Variants in MEGF11 observed in about 807,000 individuals in gnomAD.
MEGF11 encodes multiple EGF like domains 11.
Under a neutral mutation model 146.6 loss-of-function variants are expected in MEGF11, and 126 were observed. That is an observed-to-expected ratio of 0.86 (90% CI 0.74 to 1.00). The LOEUF is 1.00. Among genes scored for constraint, MEGF11 ranks in the 50% least tolerant of loss-of-function variants. The probability of loss-of-function intolerance (pLI) is 0.00; values close to 1 mark genes in which losing one functional copy is unlikely to be tolerated. For synonymous variants in MEGF11, 532 were observed against 583.4 expected (o/e 0.91, Z 1.27); for missense variants, 1,509 against 1,521.2 (o/e 0.99, Z 0.13).
intron 4 of MEGF11, among the ~76,000 whole-genome samples, chr15:66,102,057 C>T (rs528676356): frequency 6.6e-6 from 1 of 151,872 alleles, no homozygotes; most frequent in South Asian, 2.1e-4. Context: ...AGAACATTCC[C>T]ATTGGGTTTC....
At chr15:65,928,946 G>T (rs1176400196) in intron 12 of MEGF11, among the ~76,000 whole-genome samples, 1 of 152,106 alleles carries the variant, frequency 6.6e-6, no homozygotes, top group Non-Finnish European at 1.5e-5. Context: ...TTTGTTGCCG[G>T]GGAAGAAGGT....
intron 1 of MEGF11, among the ~76,000 whole-genome samples, chr15:66,155,813 C>G (rs1324078455): frequency 6.6e-6 from 1 of 152,226 alleles, no homozygotes; most frequent in Admixed American, 6.5e-5. Flanking sequence ...TGTTCTTCTT[C>G]CCCACTCCAC....
chr15:65,965,613 C>CTTTTTTTTTTT (rs1186551497), intron 8 of MEGF11, among the ~76,000 whole-genome samples: 1 of 53,522 alleles, frequency 1.9e-5, no homozygotes, highest in Non-Finnish European at 3.2e-5. Context: ...TTTTTTTTTT[C>CTTTTTTTTTTT]TTTTTTTTTT....
rs570757137 is a variant in MEGF11, at chr15:66,195,188, A to T, written c.-9+58417T>A. ...CTCTTCTCATGATGATGCCAGTCAT[A>T]TTGGATTTAGGGCCCACCCATATGA... On this transcript the variant is annotated intron_variant, in intron 1 of 25. Coordinates refer to ENST00000395614, the MANE Select transcript of MEGF11 (RefSeq NM_001385028.1). Among the ~76,000 whole-genome samples, 245 of 152,276 alleles carry T rather than the reference A, an allele frequency of 1.6e-3. 1 individual carries two copies. Among genetic ancestry groups the T allele is most frequent in the Non-Finnish European group, 2.7e-3 (187 of 68,026 alleles).
At position 65,986,793 on chromosome 15, in the gene MEGF11, C is replaced by CTTT. The variant is rs34991788; in HGVS notation, c.395-4308_395-4306dup. 4.3e-3 allele frequency among the ~76,000 whole-genome samples: 519 copies of CTTT among 121,306 alleles called. 9 individuals carry two copies. Among genetic ancestry groups the CTTT allele is most frequent in the African/African-American group, 0.013 (424 of 31,844 alleles). The allele number at this position is 121,306 out of a possible 152,430, so 79.6% of individuals were successfully genotyped here. On this transcript the variant is annotated intron_variant, in intron 5 of 25. Coordinates refer to ENST00000395614, the MANE Select transcript of MEGF11 (RefSeq NM_001385028.1). ...TATATTGGGCTTTGGCTGATTTTTC[C>CTTT]TTTTTTTTTTTTTTTTTTTTTGAGA...
intron 1 of MEGF11, among the ~76,000 whole-genome samples, chr15:66,195,277 T>C (rs768338974): frequency 2.2e-4 from 34 of 152,208 alleles, no homozygotes; most frequent in Non-Finnish European, 4.3e-4. Context: ...TTCTGAGGTA[T>C]TGGGGATTAG....
intron 5 of MEGF11, among the ~76,000 whole-genome samples, chr15:66,050,887 G>C (rs540856538): frequency 1.5e-4 from 23 of 152,354 alleles, no homozygotes; most frequent in African/African-American, 4.8e-4. Flanking sequence ...GGCTGGCACT[G>C]CCCTCTGGGG....
intron 10 of MEGF11, among the ~76,000 whole-genome samples, chr15:65,945,374 G>A (rs978450863): frequency 6.6e-6 from 1 of 152,140 alleles, no homozygotes; most frequent in Non-Finnish European, 1.5e-5. Context: ...TCCCTGCAGG[G>A]CAGACCTGGT....
chr15:65,904,121 A>G (rs935478791), intron 24 of MEGF11, among the ~76,000 whole-genome samples: 2 of 152,180 alleles, frequency 1.3e-5, no homozygotes, highest in African/African-American at 4.8e-5. Flanking sequence ...CACCCTAATC[A>G]ATGTACAGGA....
At position 65,957,557 on chromosome 15, in the gene MEGF11, G is replaced by A. The variant is rs750473106; in HGVS notation, c.1277C>T (p.Pro426Leu). 15 of 1,613,182 alleles carry A rather than the reference G, an allele frequency of 9.3e-6. No individual in the cohort carries two copies. Among genetic ancestry groups the A allele is most frequent in the Admixed American group, 3.3e-5 (2 of 59,926 alleles). ...HSITGGCTCAPGFMGEVCAVS... is the reference protein window; with the variant it reads ...HSITGGCTCALGFMGEVCAVS... ...CCCCTCCCATCTTACCATGAAGCCCGGAGCACAAGTGCAGCCCCCAGTGAT... is the reference window on the plus strand; with the variant it reads ...CCCCTCCCATCTTACCATGAAGCCCAGAGCACAAGTGCAGCCCCCAGTGAT... The change falls in exon 10 of 26, where the codon CCG becomes CTG. Residue 426 changes from proline to leucine, a missense_variant. By Grantham distance (98) the Pro-to-Leu change is moderately conservative. Coordinates refer to ENST00000395614, the MANE Select transcript of MEGF11 (RefSeq NM_001385028.1).
chr15:66,045,854 G>T (rs2084182687), intron 5 of MEGF11, among the ~76,000 whole-genome samples: 1 of 152,142 alleles, frequency 6.6e-6, no homozygotes, highest in African/African-American at 2.4e-5. Context: ...TGTAATCCCA[G>T]CACTTTGGGA....
At chr15:66,056,072 A>T (rs973369840) in intron 5 of MEGF11, among the ~76,000 whole-genome samples, 1 of 152,190 alleles carries the variant, frequency 6.6e-6, no homozygotes, top group Non-Finnish European at 1.5e-5. Context: ...GCAGAGTGTC[A>T]GGCTCCACAT....
At chr15:66,074,988 T>C (rs1392424476) in intron 5 of MEGF11, among the ~76,000 whole-genome samples, 1 of 152,252 alleles carries the variant, frequency 6.6e-6, no homozygotes, top group Non-Finnish European at 1.5e-5. Context: ...AGTGTTTGAA[T>C]TGGGTTTCAT....
At chr15:66,007,692 C>T (rs1322622656) in intron 5 of MEGF11, among the ~76,000 whole-genome samples, 1 of 152,176 alleles carries the variant, frequency 6.6e-6, no homozygotes, top group Admixed American at 6.5e-5. Context: ...GCAGAAGCTG[C>T]AGTGAGCTGA....
At chr15:65,975,093 T>C (rs2081407623) in intron 7 of MEGF11, among the ~76,000 whole-genome samples, 1 of 152,148 alleles carries the variant, frequency 6.6e-6, no homozygotes, top group African/African-American at 2.4e-5. Flanking sequence ...GTGGTCTGCC[T>C]GCCTCAGCCT....
intron 5 of MEGF11, among the ~76,000 whole-genome samples, chr15:66,060,459 C>A (rs757818100): frequency 1.3e-5 from 2 of 152,226 alleles, no homozygotes; most frequent in Non-Finnish European, 2.9e-5. Flanking sequence ...TGACACTGCA[C>A]GCTCCATCCA....
intron 7 of MEGF11, among the ~76,000 whole-genome samples, chr15:65,978,091 G>T (rs2081510639): frequency 6.6e-6 from 1 of 152,260 alleles, no homozygotes; most frequent in African/African-American, 2.4e-5. Context: ...AGAGTTCCTA[G>T]CAGCTCCTCT....
chr15:66,107,333 C>T (rs1267833921), intron 4 of MEGF11, among the ~76,000 whole-genome samples: 2 of 152,196 alleles, frequency 1.3e-5, no homozygotes, highest in African/African-American at 2.4e-5. Context: ...GCAGCCCTCA[C>T]TGAAGAGCAA....
chr15:65,956,827 C>A (rs543235567), intron 10 of MEGF11, among the ~76,000 whole-genome samples: 96 of 152,330 alleles, frequency 6.3e-4, no homozygotes, highest in African/African-American at 2.1e-3. Context: ...ATTGAGGAAC[C>A]ATTTTCTACC....
Sources: allele counts gnomAD v4.1 joint callset (sites outside exome capture counted in the v4.1 genomes callset), GRCh38; gene constraint gnomAD v4.1.1; transcripts MANE v1.5; gene names NCBI Gene and HGNC (gene_info 2026-07-23, HGNC 2026-07-21).